FER: variants seen among roughly 807,000 people sequenced by gnomAD.
FER encodes the protein tyrosine-protein kinase Fer.
Under a neutral mutation model 111.0 loss-of-function variants are expected in FER, and 63 were observed. The observed-to-expected ratio is 0.57, with a 90% CI of 0.46 to 0.70. The LOEUF (loss-of-function observed/expected upper bound fraction) is 0.70. FER is among the 30% of genes least tolerant of loss of function. The probability of loss-of-function intolerance (pLI) is 0.00; values close to 1 mark genes in which losing one functional copy is unlikely to be tolerated. For missense variants in FER, 914 were observed against 954.0 expected, an observed-to-expected ratio of 0.96 and a Z score of 0.55; for synonymous variants, 327 against 313.9, an observed-to-expected ratio of 1.04 and a Z score of -0.44.
intron 5 of FER, among the ~76,000 whole-genome samples, chr5:108,845,529 G>A (rs1228267748): frequency 2.0e-5 from 3 of 151,870 alleles, no homozygotes; most frequent in African/African-American, 7.3e-5. Flanking sequence ...TTTACTTATA[G>A]GATCATGTTA....
intron 17 of FER, among the ~76,000 whole-genome samples, chr5:109,139,244 G>C (rs1219738063): frequency 6.6e-6 from 1 of 151,872 alleles, no homozygotes; most frequent in Non-Finnish European, 1.5e-5. Context: ...GTCTTCCACA[G>C]ACTCCTTCCT....
intron 13 of FER, among the ~76,000 whole-genome samples, chr5:108,976,167 G>A (rs1761312813): frequency 6.6e-6 from 1 of 152,058 alleles, no homozygotes; most frequent in South Asian, 2.1e-4. Flanking sequence ...GGCTCCATTG[G>A]TCTCTCTCAC....
rs943941217 is a variant in FER, at chr5:109,193,813, C to G, written c.*6238C>G. ...ATTGGTTTCAATCAAAGTTTCTCCT[C>G]AGGTACTTGGGGGCCCCTAGCCTTC... On this transcript the variant is annotated 3_prime_UTR_variant, in exon 20 of 20. Transcript: ENST00000281092. 2.6e-5 allele frequency: 4 copies of G among 152,244 alleles called. No homozygotes were observed. In the East Asian group the frequency reaches 7.7e-4, roughly 29 times the overall value. The allele number at this position is 152,244 out of a possible 1,614,324, so 9.4% of individuals were successfully genotyped here.
chr5:109,105,471 TG>T (rs2150076344), intron 17 of FER, among the ~76,000 whole-genome samples: 1 of 152,234 alleles, frequency 6.6e-6, no homozygotes, highest in African/African-American at 2.4e-5. Context: ...ATCATTTAAA[TG>T]GTAAAATAAA....
At chr5:109,173,316 C>T (rs1377159528) in intron 17 of FER, among the ~76,000 whole-genome samples, 4 of 152,170 alleles carry the variant, frequency 2.6e-5, no homozygotes, top group African/African-American at 7.2e-5. Context: ...TAGGCAGCAA[C>T]CTCATTGAAG....
intron 16 of FER, among the ~76,000 whole-genome samples, chr5:109,071,455 A>G (rs1432361631): frequency 1.3e-5 from 2 of 152,192 alleles, no homozygotes; most frequent in South Asian, 2.1e-4. Context: ...ATAGAAACCT[A>G]CATCACTTGA....
Position 109,188,090 on chromosome 5 carries a change from G to A in FER, c.*515G>A, listed in dbSNP as rs1200703147. The A allele has an allele frequency of 1.3e-5, 2 of 153,164 alleles. No homozygotes were observed. Among genetic ancestry groups the A allele is most frequent in the Non-Finnish European group, 2.9e-5 (2 of 68,882 alleles). 9.5% of individuals were successfully genotyped at this position (153,164 alleles called of 1,614,324 possible). A position where few individuals can be genotyped will look rare whatever the true frequency, so the allele number is the denominator to read the frequency against. Reference sequence around the variant, plus strand: ...ATTGGGAATTATTTGGACCTCCTGAGATTTTTCTTTTCTTTCTTGCCAGGT... The same window carrying A: ...ATTGGGAATTATTTGGACCTCCTGAAATTTTTCTTTTCTTTCTTGCCAGGT... On this transcript the variant is annotated 3_prime_UTR_variant, in exon 20 of 20. Transcript: ENST00000281092.
chr5:108,880,526 T>C (rs1240316651), intron 8 of FER, among the ~76,000 whole-genome samples: 1 of 152,090 alleles, frequency 6.6e-6, no homozygotes, highest in Admixed American at 6.6e-5. Flanking sequence ...TTTATAATTA[T>C]TTAATAAGGA....
intron 1 of FER, among the ~76,000 whole-genome samples, chr5:108,758,586 G>C (rs1261802402): frequency 6.6e-6 from 1 of 152,058 alleles, no homozygotes; most frequent in African/African-American, 2.4e-5. Flanking sequence ...AAAGACTTCT[G>C]TTTTCCTTAG....
chr5:108,836,820 C>T (rs6863205), intron 5 of FER, among the ~76,000 whole-genome samples: 1,667 of 151,748 alleles, frequency 0.011, 28 homozygotes, highest in African/African-American at 0.038. Context: ...TCTTTATCTT[C>T]TTCCTTCCTC....
rs564938884 is a variant in FER at position 108,917,080 on chromosome 5, T to C, written c.1236+19232T>C. 1.1e-4 allele frequency among the ~76,000 whole-genome samples: 16 copies of C among 152,296 alleles called. No individual in the cohort carries two copies. The South Asian group carries it at 3.3e-3, about 32-fold the overall frequency. On this transcript the variant is annotated intron_variant, in intron 10 of 19. Transcript: ENST00000281092. ...CAGAAAATTTCATTGCCAGTCTTTATAAAATAATAATGACAATCCACGAGG... is the reference window on the plus strand; with the variant it reads ...CAGAAAATTTCATTGCCAGTCTTTACAAAATAATAATGACAATCCACGAGG...
At chr5:109,043,937 C>T (rs1771566409) in intron 14 of FER, among the ~76,000 whole-genome samples, 1 of 151,636 alleles carries the variant, frequency 6.6e-6, no homozygotes, top group African/African-American at 2.4e-5. Flanking sequence ...TGCTGCTGCA[C>T]TCCAGACTGG....
At chr5:109,120,428 A>G (rs528257585) in intron 17 of FER, among the ~76,000 whole-genome samples, 108 of 152,020 alleles carry the variant, frequency 7.1e-4, no homozygotes, top group African/African-American at 2.0e-3. Flanking sequence ...ATTTGTTTCT[A>G]TGTTCTCTAT....
intron 16 of FER, among the ~76,000 whole-genome samples, chr5:109,058,813 A>C (rs181862411): frequency 7.1e-6 from 1 of 140,492 alleles, no homozygotes; most frequent in Non-Finnish European, 1.5e-5. Context: ...GCTCACTGCA[A>C]CCTCCGCCTT....
At chr5:109,106,197 C>G (rs1398775347) in intron 17 of FER, among the ~76,000 whole-genome samples, 1 of 152,182 alleles carries the variant, frequency 6.6e-6, no homozygotes, top group Non-Finnish European at 1.5e-5. Context: ...AACATCTGCA[C>G]TCTGTAATGA....
At chr5:109,045,322 T>TA (rs1481104019) in intron 15 of FER, among the ~76,000 whole-genome samples, 1 of 151,592 alleles carries the variant, frequency 6.6e-6, no homozygotes, top group African/African-American at 2.4e-5. Flanking sequence ...TTATATACCT[T>TA]TTTATAGCTA....
chr5:108,984,749 A>G (rs919743076), intron 13 of FER, among the ~76,000 whole-genome samples: 4 of 152,108 alleles, frequency 2.6e-5, no homozygotes, highest in Admixed American at 6.6e-5. Flanking sequence ...TCAAAAATCA[A>G]TTGGAAAGGG....
intron 13 of FER, among the ~76,000 whole-genome samples, chr5:109,020,923 T>C (rs1767839448): frequency 6.6e-6 from 1 of 152,050 alleles, no homozygotes; most frequent in Non-Finnish European, 1.5e-5. Context: ...TTGAATGAAA[T>C]GTTTGTTTTT....
intron 1 of FER, among the ~76,000 whole-genome samples, chr5:108,759,781 A>G (rs916958475): frequency 6.6e-6 from 1 of 152,204 alleles, no homozygotes; most frequent in Non-Finnish European, 1.5e-5. Context: ...TGAGGACTCC[A>G]CCATCATGGT....
Sources: gnomAD v4.1 joint callset for allele counts (sites outside exome capture counted in the v4.1 genomes callset) on GRCh38, gnomAD v4.1.1 for gene constraint, MANE v1.5 for transcripts, NCBI Gene and HGNC (gene_info 2026-07-23, HGNC 2026-07-21) for gene names.